CRMP1: variants seen among roughly 807,000 people sequenced by gnomAD.
CRMP1 encodes the protein dihydropyrimidinase-related protein 1.
Under a neutral mutation model 68.3 loss-of-function variants are expected in CRMP1, and 19 were observed. The observed-to-expected ratio is 0.28, with a 90% CI of 0.19 to 0.41. CRMP1 has a LOEUF of 0.41. Ranked by LOEUF, CRMP1 falls within the 10% of genes least tolerant of loss-of-function variation. The pLI, the probability that CRMP1 is intolerant of heterozygous loss-of-function variation, is 1.00. For synonymous variants in CRMP1, 439 were observed against 399.6 expected (o/e 1.10, Z -1.18); for missense variants, 791 against 967.4 (o/e 0.82, Z 2.42).
rs1180595755 is a variant in CRMP1, at chr4:5,854,935, C to T, written c.820+1208G>A. ...AGAAATGCAAACAAATGTTTATATA[C>T]AAAGATGTTCACCGTAACAGGATTT... is the stretch of plus-strand genomic sequence containing the variant. On this transcript the variant is annotated intron_variant, in intron 4 of 13. Coordinates refer to ENST00000324989, the MANE Select transcript of CRMP1 (RefSeq NM_001014809.3). The surrounding 1 kb of genome is among the most constrained non-coding windows in gnomAD (Gnocchi z 4.0). Among the ~76,000 whole-genome samples, 1 of 152,022 alleles carries T rather than the reference C, an allele frequency of 6.6e-6. No homozygotes were observed.
chr4:5,863,816 A>T (rs1454127507), intron 2 of CRMP1, among the ~76,000 whole-genome samples: 1 of 152,138 alleles, frequency 6.6e-6, no homozygotes, highest in East Asian at 1.9e-4. Context: ...AAGGAAAGTA[A>T]TTGTGCCTCT....
rs751597431 is a variant in CRMP1 at position 5,843,151 on chromosome 4, C to A, written c.974G>T (p.Arg325Leu). The change falls in exon 7 of 14, where the codon CGG (arginine) becomes CTG (leucine). Residue 325 changes from arginine (R) to leucine (L), a missense_variant. Coordinates refer to ENST00000324989, the MANE Select transcript of CRMP1 (RefSeq NM_001014809.3). The surrounding 1 kb of genome is among the most constrained non-coding windows in gnomAD (Gnocchi z 4.1). ...ACCCGTGATGCCCATCTCCAGGATC[C>A]GCTTTTGTTCCTACAAGACAAGAAC... is the stretch of plus-strand genomic sequence containing the variant. ...NGDLIAQEQK[R>L]ILEMGITGPE... is the part of the protein sequence containing the mutation. 1.2e-6 allele frequency: 2 copies of A among 1,614,138 alleles called. No homozygotes were observed.
intron 1 of CRMP1, among the ~76,000 whole-genome samples, chr4:5,875,412 AAAAAG>A (rs1714740194): frequency 6.6e-6 from 1 of 151,860 alleles, no homozygotes; most frequent in Non-Finnish European, 1.5e-5. Context: ...AAAAAAAAAA[AAAAAG>A]AGATGGGATG....
Position 5,835,928 on chromosome 4 carries a change from T to C in CRMP1, c.1610A>G (p.Lys537Arg). The C allele has an allele frequency of 2.6e-6, 4 of 1,553,076 alleles. No individual in the cohort carries two copies. Among genetic ancestry groups the C allele is most frequent in the African/African-American group, 2.8e-5 (2 of 72,100 alleles). ...GCCAGGACTTACCGACTTGTGACTT[T>C]TGGCTGTTATGGTCTTCAACTTGTC... is the stretch of plus-strand genomic sequence containing the variant. ...DPDKLKTITA[K>R]SHKSAVEYNI... The change falls in exon 11 of 14, where the codon AAA (lysine) becomes AGA (arginine). Residue 537 changes from lysine to arginine, a missense_variant. Physicochemically the swap from Lys to Arg is conservative, Grantham distance 26 (BLOSUM62 2). Coordinates refer to ENST00000324989, the MANE Select transcript of CRMP1 (RefSeq NM_001014809.3).
chr4:5,856,891 TCATC>T (rs1713120850), intron 3 of CRMP1, among the ~76,000 whole-genome samples: 1 of 6,054 alleles, frequency 1.7e-4, no homozygotes, highest in Non-Finnish European at 3.5e-4. Flanking sequence ...ACCACCACCA[TCATC>T]ATCATTACTA....
Position 5,821,804 on chromosome 4 carries a change from C to G in CRMP1, c.2017G>C (p.Val673Leu). The G allele has an allele frequency of 6.2e-7, 1 of 1,611,598 alleles. No homozygotes were observed. The highest frequency in any genetic ancestry group is 1.3e-5 in the African/African-American group (1 of 75,048). ...NNPRRTGHRI[V>L]APPGGRSNIT... ...TTGGAGCGGCCACCAGGGGGCGCCA[C>G]GATGCGGTGGCCGGTGCGCCTGGGA... Residue 673 changes from valine to leucine, a missense_variant, in exon 14 of 14, where the codon GTG becomes CTG. Transcript: ENST00000324989. This position sits in a 1 kb window ranked among gnomAD's most constrained non-coding sequence, Gnocchi z 4.4.
intron 1 of CRMP1, among the ~76,000 whole-genome samples, chr4:5,867,784 G>A (rs182616173): frequency 6.6e-6 from 1 of 152,260 alleles, no homozygotes; most frequent in East Asian, 1.9e-4. Context: ...GGGGCATTGG[G>A]CAGAGAAAGC....
At chr4:5,867,441 A>G (rs918694526) in intron 1 of CRMP1, among the ~76,000 whole-genome samples, 3 of 152,246 alleles carry the variant, frequency 2.0e-5, no homozygotes, top group African/African-American at 7.2e-5. Context: ...TGATCAACTT[A>G]GAGACATTTA....
At chr4:5,847,587 TGAAA>T in intron 6 of CRMP1, among the ~76,000 whole-genome samples, 1 of 152,352 alleles carries the variant, frequency 6.6e-6, no homozygotes, top group East Asian at 1.9e-4. Context: ...ACATTGAATT[TGAAA>T]GAATTTCAAT....
At position 5,892,921 on chromosome 4, in the gene CRMP1, A is replaced by G; in HGVS notation, c.49T>C (p.Tyr17His). ...AWNTEDDLPV[Y>H]LARPGSAAQT... ...GCCGCGCTGCCCGGCCGCGCCAGGTACACGGGCAGGTCGTCCTCGGTGTTC... is the reference window on the plus strand; with the variant it reads ...GCCGCGCTGCCCGGCCGCGCCAGGTGCACGGGCAGGTCGTCCTCGGTGTTC... The change falls in exon 1 of 14, where the codon TAC (tyrosine) becomes CAC (histidine). Residue 17 changes from tyrosine to histidine, a missense_variant. Physicochemically the swap from Tyr to His is moderately conservative, Grantham distance 83 (BLOSUM62 2). This residue lies in a region of CRMP1 where 193 missense variants were observed against 186.3 expected (regional missense o/e 1.04). Transcript: ENST00000324989. The surrounding 1 kb of genome is among the most constrained non-coding windows in gnomAD (Gnocchi z 8.6). 7.5e-7 allele frequency: 1 copy of G among 1,327,954 alleles called. No homozygotes were observed. The highest frequency in any genetic ancestry group is 9.7e-7 in the Non-Finnish European group (1 of 1,032,948). The allele number at this position is 1,327,954 out of a possible 1,614,324, so 82.3% of individuals were successfully genotyped here. A position where few individuals can be genotyped will look rare whatever the true frequency, so the allele number is the denominator to read the frequency against.
At position 5,825,838 on chromosome 4, in the gene CRMP1, GGCATTCATACACACAA is replaced by G. The variant is rs371384468; in HGVS notation, c.1804-195_1804-180del. ...CTTCACACACATGCAGCCGCACACA[GGCATTCATACACACAA>G]GCATGCATACACACACATCTACATA... On this transcript the variant is annotated intron_variant, in intron 12 of 13. Transcript: ENST00000324989. The surrounding 1 kb of genome is among the most constrained non-coding windows in gnomAD (Gnocchi z 4.4). The G allele has an allele frequency of 8.4e-3, 5,268 of 625,068 alleles. 203 individuals are homozygous for G. In the African/African-American group the frequency reaches 0.088, roughly 10 times the overall value. The allele number at this position is 625,068 out of a possible 1,614,324, so 38.7% of individuals were successfully genotyped here.
chr4:5,853,064 T>C lies in CRMP1; in HGVS notation c.821-1595A>G, dbSNP rs1039086378. Among the ~76,000 whole-genome samples, 2 of 152,192 alleles carry C rather than the reference T, an allele frequency of 1.3e-5. No homozygotes were observed. The highest frequency in any genetic ancestry group is 2.9e-5 in the Non-Finnish European group (2 of 68,036). On this transcript the variant is annotated intron_variant, in intron 4 of 13. Transcript: ENST00000324989. The surrounding 1 kb of genome is among the most constrained non-coding windows in gnomAD (Gnocchi z 4.7). ...ATCCTGATGAGCCAGGCAGACAGCT[T>C]GCAATTTATTCTGGGGATAATGTGG...
intron 2 of CRMP1, among the ~76,000 whole-genome samples, chr4:5,863,098 C>T (rs1165760659): frequency 6.8e-6 from 1 of 146,272 alleles, no homozygotes; most frequent in Admixed American, 7.1e-5. Context: ...ACATGCCTGA[C>T]CTTTTTTCTT....
intron 2 of CRMP1, among the ~76,000 whole-genome samples, chr4:5,863,188 G>T (rs1418012495): frequency 6.8e-6 from 1 of 147,252 alleles, no homozygotes; most frequent in Non-Finnish European, 1.5e-5. Flanking sequence ...GATGCTTGAT[G>T]TTCAACAGTG....
At chr4:5,829,618 A>T (rs577129996) in intron 11 of CRMP1, among the ~76,000 whole-genome samples, 14 of 152,318 alleles carry the variant, frequency 9.2e-5, no homozygotes, top group African/African-American at 3.4e-4. Context: ...TGTATCTCTA[A>T]GTATGTCCGA....
Position 5,825,633 on chromosome 4 carries a change from C to T in CRMP1, c.1830G>A (p.Arg610=). 7 of 1,611,062 alleles carry T rather than the reference C, an allele frequency of 4.3e-6. No individual in the cohort carries two copies. Among genetic ancestry groups the T allele is most frequent in the Non-Finnish European group, 5.9e-6 (7 of 1,178,894 alleles). ...NKVFGLQGVS[R]GMYDGPVYEV... is the part of the protein sequence containing the mutation. ...CGTACACAGGACCGTCATACATGCC[C>T]CTGGAAACCCCTTGCAATCCAAAAA... Residue 610 remains arginine, a synonymous_variant, in exon 13 of 14, where the codon AGG becomes AGA. Coordinates refer to ENST00000324989, the MANE Select transcript of CRMP1 (RefSeq NM_001014809.3). This position sits in a 1 kb window ranked among gnomAD's most constrained non-coding sequence, Gnocchi z 4.4.
intron 1 of CRMP1, among the ~76,000 whole-genome samples, chr4:5,875,739 A>G (rs1056735672): frequency 1.2e-4 from 10 of 85,860 alleles, no homozygotes; most frequent in Admixed American, 7.2e-4. Flanking sequence ...GCGGTCCTGA[A>G]TTGACATGGA....
rs994521372 is a variant in CRMP1 at position 5,889,829 on chromosome 4, G to A, written c.381+2760C>T. On this transcript the variant is annotated intron_variant, in intron 1 of 13. Coordinates refer to ENST00000324989, the MANE Select transcript of CRMP1 (RefSeq NM_001014809.3). The surrounding 1 kb of genome is among the most constrained non-coding windows in gnomAD (Gnocchi z 4.5). ...CCAGTCCCCTAATCCAGGGCAGGAG[G>A]CCAGAGACACCTGGGCCTTAAAATA... The A allele has an allele frequency of 6.7e-7, 1 of 1,483,702 alleles. No homozygotes were observed. Among genetic ancestry groups the A allele is most frequent in the African/African-American group, 1.4e-5 (1 of 71,304 alleles). 91.9% of individuals were successfully genotyped at this position (1,483,702 alleles called of 1,614,324 possible).
At chr4:5,845,047 GGCCAA>G in intron 6 of CRMP1, among the ~76,000 whole-genome samples, 1 of 152,346 alleles carries the variant, frequency 6.6e-6, no homozygotes, top group Middle Eastern at 3.4e-3. Context: ...TGCTATGCCT[GGCCAA>G]AGATGGATCT....
Sources: allele counts gnomAD v4.1 joint callset (sites outside exome capture counted in the v4.1 genomes callset), GRCh38; gene constraint gnomAD v4.1.1; regional missense constraint gnomAD v4.1.1; non-coding constraint Gnocchi (gnomAD v3.1); transcripts MANE v1.5; gene names NCBI Gene and HGNC (gene_info 2026-07-23, HGNC 2026-07-21).